The following CDH3 variants were observed in gnomAD, a reference collection of about 807,000 sequenced individuals.
CDH3 encodes the protein cadherin 3.
In CDH3, 54 loss-of-function variants were observed where a neutral mutation model predicts 82.0. The observed-to-expected ratio is 0.66, with a 90% confidence interval of 0.53 to 0.83. The LOEUF (loss-of-function observed/expected upper bound fraction) is 0.83. Ranked by LOEUF, CDH3 falls within the 40% of genes least tolerant of loss-of-function variation. CDH3 has a pLI of 0.00. For synonymous variants in CDH3, 446 were observed against 437.9 expected, an observed-to-expected ratio of 1.02 and a Z score of -0.23; for missense variants, 1,054 against 1,084.6, an observed-to-expected ratio of 0.97 and a Z score of 0.40.
At chr16:68,723,885 C>T (rs551535002) in intron 2 of CDH3, among the ~76,000 whole-genome samples, 17 of 152,206 alleles carry the variant, frequency 1.1e-4, no homozygotes, top group Admixed American at 1.3e-4. Context: ...CCGGCTAAAA[C>T]GGTGAAACCC....
At chr16:68,650,300 T>C (rs905070342) in intron 2 of CDH3, among the ~76,000 whole-genome samples, 2 of 151,808 alleles carry the variant, frequency 1.3e-5, no homozygotes, top group African/African-American at 2.4e-5. Context: ...GGGGAAAAAA[T>C]ATATATATTT....
intron 2 of CDH3, among the ~76,000 whole-genome samples, chr16:68,726,664 C>T (rs1842594754): frequency 6.6e-6 from 1 of 151,284 alleles, no homozygotes; most frequent in Non-Finnish European, 1.5e-5. Context: ...CTGCAACCTC[C>T]GCCTCCCGGG....
chr16:68,681,198 C>A, intron 8 of CDH3, 102 bp downstream of exon 8: 1 of 1,287,478 alleles, frequency 7.8e-7, no homozygotes, highest in Non-Finnish European at 1.1e-6. Flanking sequence ...AAATGCCAGT[C>A]TCAGCACTAT....
intron 2 of CDH3, among the ~76,000 whole-genome samples, chr16:68,648,982 G>C (rs1960162306): frequency 6.6e-6 from 1 of 151,962 alleles, no homozygotes; most frequent in Admixed American, 6.6e-5. Context: ...AAGAGGAAAG[G>C]TTAATCTGGA....
At chr16:68,706,980 G>C (rs1402405405) in intron 1 of CDH3, among the ~76,000 whole-genome samples, 1 of 152,180 alleles carries the variant, frequency 6.6e-6, no homozygotes, top group East Asian at 1.9e-4. Flanking sequence ...AAAATACGTG[G>C]TCTAGTAAAA....
chr16:68,670,156 G>A lies in CDH3; in HGVS notation c.161-6229G>A, dbSNP rs141485260. ...GGAGAATGACGTGAACCTAGAAGGC[G>A]GAGCTTGCAGTGAGCCGAGATTGCG... On this transcript the variant is annotated intron_variant, in intron 2 of 15. Coordinates refer to ENST00000264012, the MANE Select transcript of CDH3 (RefSeq NM_001793.6). 4.6e-3 allele frequency among the ~76,000 whole-genome samples: 689 copies of A among 149,660 alleles called. 5 individuals are homozygous for A. Among genetic ancestry groups the A allele is most frequent in the African/African-American group, 0.015 (614 of 40,386 alleles).
chr16:68,697,435 C>T (rs10775306), intron 15 of CDH3, among the ~76,000 whole-genome samples: 136,642 of 152,228 alleles, frequency 0.9, 61,613 homozygotes, highest in African/African-American at 0.97. Flanking sequence ...GTGATTGCAC[C>T]TGGGGGGCAA....
intron 1 of CDH3, among the ~76,000 whole-genome samples, chr16:68,713,808 C>G (rs1962061961): frequency 6.6e-6 from 1 of 152,140 alleles, no homozygotes; most frequent in Non-Finnish European, 1.5e-5. Flanking sequence ...TGCACCCTTC[C>G]TGGAATATAG....
intron 2 of CDH3, among the ~76,000 whole-genome samples, chr16:68,648,898 C>T (rs1395953164): frequency 1.3e-5 from 2 of 149,844 alleles, no homozygotes; most frequent in Non-Finnish European, 1.5e-5. Context: ...TAGGATTTTC[C>T]AGAAACATTG....
intron 12 of CDH3, among the ~76,000 whole-genome samples, chr16:68,689,731 G>C (rs1442386350): frequency 6.6e-6 from 1 of 151,966 alleles, no homozygotes; most frequent in Non-Finnish European, 1.5e-5. Flanking sequence ...GCACTAAATG[G>C]GGACAGAGTG....
chr16:68,676,246 GA>G, intron 2 of CDH3, 138 bp from the exon 3 acceptor site: 1 of 711,092 alleles, frequency 1.4e-6, no homozygotes. Context: ...CCTGGTCAGA[GA>G]AAGTAAGCCA....
Position 68,699,970 on chromosome 16 carries a change from A to T in CDH3, c.*1570A>T, listed in dbSNP as rs1347278075. On this transcript the variant is annotated 3_prime_UTR_variant, in exon 16 of 16. Transcript: ENST00000264012. ...AGACAGGACTTCGATTATTTCCTCT[A>T]AATCCTCACAATCACCCTCTGAGGG... is the stretch of plus-strand genomic sequence containing the variant. 1.3e-5 allele frequency: 2 copies of T among 152,190 alleles called. No individual in the cohort carries two copies. The highest frequency in any genetic ancestry group is 4.8e-5 in the African/African-American group (2 of 41,458). The allele number at this position is 152,190 out of a possible 1,614,324, so 9.4% of individuals were successfully genotyped here. A position where few individuals can be genotyped will look rare whatever the true frequency, so the allele number is the denominator to read the frequency against.
chr16:68,695,521 A>C, intron 14 of CDH3, 136 bp downstream of exon 14: 1 of 937,960 alleles, frequency 1.1e-6, no homozygotes, highest in Non-Finnish European at 1.6e-6. Context: ...CTTTTCTAAC[A>C]TCCTCCAGCA....
intron 2 of CDH3, among the ~76,000 whole-genome samples, chr16:68,661,267 G>A (rs1960569242): frequency 6.6e-6 from 1 of 152,216 alleles, no homozygotes; most frequent in Non-Finnish European, 1.5e-5. Flanking sequence ...TGCCTGAATT[G>A]GGGTCCCAGA....
chr16:68,672,126 G>A (rs1009271746), intron 2 of CDH3, among the ~76,000 whole-genome samples: 1 of 151,108 alleles, frequency 6.6e-6, no homozygotes, highest in African/African-American at 2.4e-5. Flanking sequence ...CCAGGGGGCG[G>A]AGCCTGCAGT....
At chr16:68,728,874 C>T (rs999367577), downstream of CDH3, among the ~76,000 whole-genome samples, 2 of 152,094 alleles carry the variant, frequency 1.3e-5, no homozygotes, top group South Asian at 2.1e-4. Flanking sequence ...TGGGAGCGCC[C>T]GGCAACACTT....
intron 2 of CDH3, among the ~76,000 whole-genome samples, chr16:68,658,294 A>G (rs1190797936): frequency 2.0e-5 from 3 of 152,108 alleles, no homozygotes; most frequent in African/African-American, 4.8e-5. Flanking sequence ...TAAACCCAGC[A>G]GTGGGAAGAG....
chr16:68,696,245 C>T (rs1567457962), intron 15 of CDH3: 3 of 366,496 alleles, frequency 8.2e-6, no homozygotes, highest in Non-Finnish European at 1.6e-5. Flanking sequence ...ATGGCGAAAC[C>T]CCATCTCTAC....
intron 9 of CDH3, among the ~76,000 whole-genome samples, chr16:68,682,830 T>C (rs572446863): frequency 6.6e-6 from 1 of 152,212 alleles, no homozygotes; most frequent in Admixed American, 6.5e-5. Context: ...CTAAAACTCA[T>C]GTCTAGGTGT....
Sources: gnomAD v4.1 joint callset for allele counts (sites outside exome capture counted in the v4.1 genomes callset) on GRCh38, gnomAD v4.1.1 for gene constraint, MANE v1.5 for transcripts, NCBI Gene and HGNC (gene_info 2026-07-23, HGNC 2026-07-21) for gene names.